The following KCNS3 variants were observed in gnomAD, a reference collection of about 807,000 sequenced individuals.
The protein encoded by KCNS3 is delayed-rectifier potassium channel regulatory subunit KCNS3.
A neutral mutation model predicts 31.0 loss-of-function variants in KCNS3; 13 were observed. The ratio of observed to expected loss-of-function variants is 0.42; its 90% CI spans 0.27 to 0.67. KCNS3 has a LOEUF of 0.67. Among genes scored for constraint, KCNS3 ranks in the 30% least tolerant of loss-of-function variants. The pLI is 0.25. For synonymous variants in KCNS3, 238 were observed against 241.5 expected, an observed-to-expected ratio of 0.99 and a Z score of 0.13; for missense variants, 545 against 622.4, an observed-to-expected ratio of 0.88 and a Z score of 1.32.
intron 1 of KCNS3, among the ~76,000 whole-genome samples, chr2:17,888,641 A>ATC (rs1558446986): frequency 2.0e-4 from 15 of 73,260 alleles, no homozygotes; most frequent in South Asian, 1.7e-3. Flanking sequence ...ATATATATAT[A>ATC]TATATATATA....
At chr2:17,893,965 T>TTAA (rs1553341815) in intron 1 of KCNS3, among the ~76,000 whole-genome samples, 123 of 134,730 alleles carry the variant, frequency 9.1e-4, no homozygotes, top group African/African-American at 3.2e-3. Context: ...TTTTTTTTTT[T>TTAA]TAATATATCT....
chr2:17,905,085 T>C (rs558678476), intron 1 of KCNS3, among the ~76,000 whole-genome samples: 15 of 152,312 alleles, frequency 9.8e-5, no homozygotes, highest in African/African-American at 2.9e-4. Flanking sequence ...ATTCTTCCTA[T>C]CCATGAGCAT....
chr2:17,893,873 T>A (rs1661917309), intron 1 of KCNS3, among the ~76,000 whole-genome samples: 1 of 150,284 alleles, frequency 6.7e-6, no homozygotes, highest in Admixed American at 6.7e-5. Flanking sequence ...AAATTCACAA[T>A]GCGAGCCTCC....
intron 1 of KCNS3, among the ~76,000 whole-genome samples, chr2:17,884,271 ATATATAT>A (rs1674717024): frequency 1.2e-4 from 4 of 33,824 alleles, no homozygotes; most frequent in Admixed American, 3.2e-4. Context: ...AAAAAAAAAT[ATATATAT>A]ATATATATAT....
chr2:17,915,298 T>C (rs1453547033), intron 1 of KCNS3, among the ~76,000 whole-genome samples: 1 of 152,208 alleles, frequency 6.6e-6, no homozygotes, highest in Non-Finnish European at 1.5e-5. Context: ...TGCTCTCTTC[T>C]TTTGAACAGG....
intron 1 of KCNS3, among the ~76,000 whole-genome samples, chr2:17,912,842 T>G (rs1007081122): frequency 6.6e-6 from 1 of 152,244 alleles, no homozygotes; most frequent in African/African-American, 2.4e-5. Flanking sequence ...TACTGGTTTG[T>G]CCCTGAATAT....
intron 1 of KCNS3, among the ~76,000 whole-genome samples, chr2:17,888,390 A>G (rs969741075): frequency 6.6e-6 from 1 of 151,886 alleles, no homozygotes; most frequent in Non-Finnish European, 1.5e-5. Context: ...ATTTTCGTAT[A>G]AGATGAGAGA....
intron 1 of KCNS3, among the ~76,000 whole-genome samples, chr2:17,885,777 C>G (rs1661641787): frequency 6.6e-6 from 1 of 152,200 alleles, no homozygotes. Flanking sequence ...AATACCCTCA[C>G]AGAAACACTG....
At chr2:17,880,768 CAACT>C (rs1052345669) in intron 1 of KCNS3, among the ~76,000 whole-genome samples, 19 of 152,278 alleles carry the variant, frequency 1.2e-4, no homozygotes, top group African/African-American at 4.6e-4. Flanking sequence ...AGCAAAGCAC[CAACT>C]GAGTATCATC....
chr2:17,916,987 C>T (rs995338069), intron 1 of KCNS3, among the ~76,000 whole-genome samples: 1 of 152,092 alleles, frequency 6.6e-6, no homozygotes, highest in Non-Finnish European at 1.5e-5. Flanking sequence ...GCAAGGCTTA[C>T]CTGGGTGGAA....
rs35102585 is a variant in KCNS3 at position 17,888,629 on chromosome 2, G to GTATATCTATATATA, written c.-252+9828_-252+9829insCTATATATATATAT. 3.7e-3 allele frequency among the ~76,000 whole-genome samples: 346 copies of GTATATCTATATATA among 92,330 alleles called. 16 individuals are homozygous for GTATATCTATATATA. The highest frequency in any genetic ancestry group is 4.8e-3 in the African/African-American group (106 of 22,232). 60.6% of individuals were successfully genotyped at this position (92,330 alleles called of 152,430 possible). Reference sequence around the variant, plus strand: ...GAACTTAAAGTATAATAAAAAAAATGTATATATATATATATATATATATAT... The same window carrying GTATATCTATATATA: ...GAACTTAAAGTATAATAAAAAAAATGTATATCTATATATATATATATATATATATATATATATAT... On this transcript the variant is annotated intron_variant, in intron 1 of 2. Coordinates refer to ENST00000304101, the MANE Select transcript of KCNS3 (RefSeq NM_002252.5).
intron 2 of KCNS3, among the ~76,000 whole-genome samples, chr2:17,918,862 A>G (rs1246781352): frequency 6.6e-6 from 1 of 152,206 alleles, no homozygotes; most frequent in Non-Finnish European, 1.5e-5. Flanking sequence ...AGAACCATTA[A>G]TTTGGCCTGG....
At chr2:17,878,457 C>G (rs1217388222), upstream of KCNS3, among the ~76,000 whole-genome samples, 1 of 151,934 alleles carries the variant, frequency 6.6e-6, no homozygotes, top group Middle Eastern at 3.2e-3. Flanking sequence ...GTCTATGGGT[C>G]TGTCCGCCTG....
intron 2 of KCNS3, among the ~76,000 whole-genome samples, chr2:17,921,105 T>A (rs1255750443): frequency 6.6e-6 from 1 of 152,172 alleles, no homozygotes; most frequent in Non-Finnish European, 1.5e-5. Context: ...CTGCACCAGT[T>A]GTTGAGAATA....
chr2:17,893,904 A>G (rs1017713667), intron 1 of KCNS3, among the ~76,000 whole-genome samples: 1 of 135,634 alleles, frequency 7.4e-6, no homozygotes, highest in African/African-American at 2.9e-5. Flanking sequence ...GCTGCAATCT[A>G]GTCCTTCCTC....
intron 1 of KCNS3, among the ~76,000 whole-genome samples, chr2:17,907,459 A>G (rs1662354037): frequency 6.6e-6 from 1 of 152,164 alleles, no homozygotes; most frequent in African/African-American, 2.4e-5. Flanking sequence ...GCCCATTTAC[A>G]TTTAAGGTTA....
intron 1 of KCNS3, among the ~76,000 whole-genome samples, chr2:17,914,663 C>T (rs547084985): frequency 2.5e-4 from 38 of 152,288 alleles, no homozygotes; most frequent in African/African-American, 8.2e-4. Context: ...CCTGTGACAG[C>T]GATAATTAAT....
chr2:17,888,263 T>C (rs945431649), intron 1 of KCNS3, among the ~76,000 whole-genome samples: 2 of 151,878 alleles, frequency 1.3e-5, no homozygotes, highest in African/African-American at 4.9e-5. Flanking sequence ...CCTAAGCCAA[T>C]ATCTAGAAGA....
In KCNS3 at chr2:17,932,392, G is replaced by A. The variant is rs1306569440; in HGVS notation, c.1384G>A (p.Val462Met). Residue 462 changes from valine to methionine, a missense_variant, in exon 3 of 3, where the codon GTG becomes ATG. Val to Met is a conservative substitution (Grantham distance 21). Coordinates refer to ENST00000304101, the MANE Select transcript of KCNS3 (RefSeq NM_002252.5). ...CAGTCTCTCTTCTGTAGGCATTGTG[G>A]TGAGCGATCCTGACTCCACAGATGC... ...ITSLSSVGIV[V>M]SDPDSTDASS... 1.9e-6 allele frequency: 3 copies of A among 1,614,004 alleles called. No homozygotes were observed. Among genetic ancestry groups the A allele is most frequent in the Non-Finnish European group, 2.5e-6 (3 of 1,180,008 alleles).
Sources: gnomAD v4.1 joint callset for allele counts (sites outside exome capture counted in the v4.1 genomes callset) on GRCh38, gnomAD v4.1.1 for gene constraint, MANE v1.5 for transcripts, NCBI Gene and HGNC (gene_info 2026-07-23, HGNC 2026-07-21) for gene names.